KIAA2012: variants seen among roughly 807,000 people sequenced by gnomAD.
The protein encoded by KIAA2012 is uncharacterized protein KIAA2012.
Under a neutral mutation model 150.6 loss-of-function variants are expected in KIAA2012, and 125 were observed. That is an observed-to-expected ratio of 0.83 (90% CI 0.72 to 0.96). The LOEUF (loss-of-function observed/expected upper bound fraction) is 0.96, where lower values mean the gene tolerates loss of function less well. Ranked by LOEUF, KIAA2012 falls within the 40% of genes least tolerant of loss-of-function variation. The pLI, the probability that KIAA2012 is intolerant of heterozygous loss-of-function variation, is 0.00. For synonymous variants in KIAA2012, 462 were observed against 504.7 expected (o/e 0.92, Z 1.13); for missense variants, 1,219 against 1,354.9 (o/e 0.90, Z 1.57).
intron 4 of KIAA2012, among the ~76,000 whole-genome samples, chr2:202,094,823 G>A (rs1689823579): frequency 1.3e-5 from 2 of 152,036 alleles, no homozygotes; most frequent in South Asian, 2.1e-4. Context: ...TCGGCCTCAG[G>A]GCTTTCATTT....
chr2:202,077,561 T>C (rs1689353949), intron 2 of KIAA2012, among the ~76,000 whole-genome samples: 1 of 152,032 alleles, frequency 6.6e-6, no homozygotes, highest in Admixed American at 6.6e-5. Context: ...AGGGAAATGG[T>C]GTGAAGAAAT....
intron 13 of KIAA2012, among the ~76,000 whole-genome samples, chr2:202,147,935 AC>A (rs536788681): frequency 4.9e-4 from 74 of 152,120 alleles, no homozygotes; most frequent in Non-Finnish European, 9.7e-4. Flanking sequence ...ACAGCTAGCC[AC>A]CCCCTCACAG....
intron 14 of KIAA2012, among the ~76,000 whole-genome samples, chr2:202,162,207 C>T (rs1691670884): frequency 6.6e-6 from 1 of 152,002 alleles, no homozygotes; most frequent in Non-Finnish European, 1.5e-5. Context: ...CAGATAGATA[C>T]ATACACAGAT....
chr2:202,116,675 G>A (rs1690536744), intron 11 of KIAA2012: 1 of 151,992 alleles, frequency 6.6e-6, no homozygotes, highest in African/African-American at 2.4e-5. Context: ...CTTTCTTGGT[G>A]TGGTGGTTTT....
chr2:202,098,789 C>CGTGTGTGTGT (rs10536026), intron 5 of KIAA2012, among the ~76,000 whole-genome samples: 6,247 of 148,442 alleles, frequency 0.042, 376 homozygotes, highest in African/African-American at 0.13. Context: ...ACTCTAAGGC[C>CGTGTGTGTGT]GTGTGTGTGT....
chr2:202,086,167 C>CAAAAAAAAAAAAAAAAAAAAAAAA (rs56207993), intron 2 of KIAA2012, among the ~76,000 whole-genome samples: 3 of 90,150 alleles, frequency 3.3e-5, no homozygotes, highest in African/African-American at 4.4e-5. Flanking sequence ...AACTCTGTCT[C>CAAAAAAAAAAAAAAAAAAAAAAAA]AAAAAAAAAA....
intron 10 of KIAA2012, 138 bp downstream of exon 10, chr2:202,109,927 G>A: frequency 1.3e-6 from 1 of 757,532 alleles, no homozygotes; most frequent in Non-Finnish European, 2.0e-6. Flanking sequence ...TTCTGATGAT[G>A]TCAGTGGGAT....
chr2:202,156,842 G>A (rs573339886), intron 14 of KIAA2012, among the ~76,000 whole-genome samples: 2 of 152,216 alleles, frequency 1.3e-5, no homozygotes, highest in East Asian at 1.9e-4. Flanking sequence ...CCCAGATCAC[G>A]CCACTGCACT....
rs144361666 is a variant in KIAA2012 at position 202,193,989 on chromosome 2, C to T, written c.3015-201C>T. ...AGCACAGAGCTGTGTACTGAAACTT[C>T]TAGGCTTCTGGTTTCAAGCCCGCTG... On this transcript the variant is annotated intron_variant, in intron 20 of 23. Coordinates refer to ENST00000498697, the MANE Select transcript of KIAA2012 (RefSeq NM_001277372.4). Among the ~76,000 whole-genome samples, 49 of 152,338 alleles carry T rather than the reference C, an allele frequency of 3.2e-4. 1 individual carries two copies. Among genetic ancestry groups the T allele is most frequent in the Admixed American group, 7.2e-4 (11 of 15,300 alleles).
chr2:202,126,792 A>G (rs1362363406), intron 12 of KIAA2012, among the ~76,000 whole-genome samples: 1 of 152,192 alleles, frequency 6.6e-6, no homozygotes, highest in East Asian at 1.9e-4. Flanking sequence ...ATCTAGGACA[A>G]TGTGGCTCAA....
chr2:202,201,505 G>A, intron 22 of KIAA2012: 2 of 1,606,814 alleles, frequency 1.2e-6, no homozygotes, highest in Non-Finnish European at 1.7e-6. Context: ...CCAGGAGGTG[G>A]AGGAAGAATG....
At position 202,194,369 on chromosome 2, in the gene KIAA2012, G is replaced by C; in HGVS notation, c.3187+7G>C. 6.5e-7 allele frequency: 1 copy of C among 1,549,200 alleles called. No homozygotes were observed. The highest frequency in any genetic ancestry group is 1.2e-5 in the South Asian group (1 of 83,980). ...GAGGAAGCCGAGAGGGCCGGTGAGG[G>C]GGTTCTTGAGCTCTTTGCATCTCTC... On this transcript the variant is annotated splice_region_variant and intron_variant, in intron 21 of 23. Transcript: ENST00000498697.
Position 202,180,130 on chromosome 2 carries a change from G to A in KIAA2012, c.2120-4623G>A, listed in dbSNP as rs560902610. On this transcript the variant is annotated intron_variant, in intron 15 of 23. Coordinates refer to ENST00000498697, the MANE Select transcript of KIAA2012 (RefSeq NM_001277372.4). Reference sequence around the variant, plus strand: ...CTATTAAAAATACAAAATTAGCCGGGCATGGTGGTGCATGCCTATAATCCC... The same window carrying A: ...CTATTAAAAATACAAAATTAGCCGGACATGGTGGTGCATGCCTATAATCCC... 1.2e-4 allele frequency among the ~76,000 whole-genome samples: 18 copies of A among 152,222 alleles called. No homozygotes were observed. The South Asian group carries it at 3.5e-3, about 30-fold the overall frequency.
chr2:202,076,680 G>A (rs1226878268), intron 2 of KIAA2012, among the ~76,000 whole-genome samples: 1 of 152,180 alleles, frequency 6.6e-6, no homozygotes, highest in Non-Finnish European at 1.5e-5. Context: ...CCCAAGGCCA[G>A]AGAGCTACTA....
intron 15 of KIAA2012, among the ~76,000 whole-genome samples, chr2:202,170,113 C>T (rs909767585): frequency 6.6e-6 from 1 of 152,206 alleles, no homozygotes; most frequent in Non-Finnish European, 1.5e-5. Context: ...TCTTCTACCA[C>T]CCAGCCTCCC....
At chr2:202,109,364 A>G (rs1229778404) in intron 9 of KIAA2012, among the ~76,000 whole-genome samples, 1 of 152,146 alleles carries the variant, frequency 6.6e-6, no homozygotes, top group African/African-American at 2.4e-5. Flanking sequence ...GAGTCATGTC[A>G]TTTTGGCCAC....
chr2:202,111,733 A>G (rs1690363658), intron 10 of KIAA2012, among the ~76,000 whole-genome samples: 1 of 152,134 alleles, frequency 6.6e-6, no homozygotes, highest in Admixed American at 6.5e-5. Flanking sequence ...GCATGTCTAC[A>G]TATTCAGTCC....
intron 13 of KIAA2012, 130 bp from the exon 14 acceptor site, chr2:202,154,543 T>C (rs751180994): frequency 1.7e-5 from 14 of 805,128 alleles, no homozygotes; most frequent in East Asian, 2.7e-5. Context: ...ACAGTAACAA[T>C]AGTTGCTGCG....
At chr2:202,133,747 T>C (rs891411047) in intron 12 of KIAA2012, among the ~76,000 whole-genome samples, 1 of 152,166 alleles carries the variant, frequency 6.6e-6, no homozygotes, top group Non-Finnish European at 1.5e-5. Context: ...ATAAACAGGA[T>C]CTTAAATCTC....
Sources: gnomAD v4.1 joint callset for allele counts (sites outside exome capture counted in the v4.1 genomes callset) on GRCh38, gnomAD v4.1.1 for gene constraint, MANE v1.5 for transcripts, NCBI Gene and HGNC (gene_info 2026-07-23, HGNC 2026-07-21) for gene names.